The following EXOC6B variants were observed in gnomAD, a reference collection of about 807,000 sequenced individuals.
The protein encoded by EXOC6B is SEC15 homolog B.
Under a neutral mutation model 113.5 loss-of-function variants are expected in EXOC6B, and 54 were observed. That is an observed-to-expected ratio of 0.48 (90% CI 0.38 to 0.60). The LOEUF (loss-of-function observed/expected upper bound fraction) is 0.60, where lower values mean the gene tolerates loss of function less well. Ranked by LOEUF, EXOC6B falls within the 20% of genes least tolerant of loss-of-function variation. The pLI is 0.00. For synonymous variants in EXOC6B, 357 were observed against 339.0 expected, an observed-to-expected ratio of 1.05 and a Z score of -0.58; for missense variants, 797 against 977.5, an observed-to-expected ratio of 0.82 and a Z score of 2.46.
rs1697946829 is a variant in EXOC6B at position 72,464,963 on chromosome 2, G to GA, written c.1980+196dup. 1.5e-5 allele frequency: 9 copies of GA among 582,660 alleles called. No individual in the cohort carries two copies. In the Admixed American group the frequency reaches 1.7e-4, roughly 11 times the overall value. 36.1% of individuals were successfully genotyped at this position (582,660 alleles called of 1,614,324 possible). A position where few individuals can be genotyped will look rare whatever the true frequency, so the allele number is the denominator to read the frequency against. On this transcript the variant is annotated intron_variant, in intron 18 of 21. Coordinates refer to ENST00000272427, the MANE Select transcript of EXOC6B (RefSeq NM_015189.3). ...ATAATACCAGGAACCATTTTCAGAT[G>GA]AAAAAAATGCAAAGGTCAATGAAAA...
intron 6 of EXOC6B, among the ~76,000 whole-genome samples, chr2:72,714,593 G>A (rs1290501637): frequency 2.0e-5 from 3 of 151,936 alleles, no homozygotes; most frequent in Non-Finnish European, 2.9e-5. Context: ...AACACATACA[G>A]ATCTTAAACA....
At chr2:72,487,926 T>G (rs1193153933) in intron 16 of EXOC6B, among the ~76,000 whole-genome samples, 1 of 152,204 alleles carries the variant, frequency 6.6e-6, no homozygotes, top group African/African-American at 2.4e-5. Flanking sequence ...TTCTACCCTA[T>G]ACTTTTTGGA....
At chr2:72,798,075 G>T (rs1685070858) in intron 1 of EXOC6B, among the ~76,000 whole-genome samples, 1 of 151,946 alleles carries the variant, frequency 6.6e-6, no homozygotes, top group African/African-American at 2.4e-5. Flanking sequence ...AATAAACTCT[G>T]CTCTCTTAAT....
intron 18 of EXOC6B, among the ~76,000 whole-genome samples, chr2:72,418,627 T>C (rs1435950157): frequency 1.3e-5 from 2 of 152,204 alleles, no homozygotes; most frequent in African/African-American, 2.4e-5. Context: ...AGCATAGTTG[T>C]CTCTGTTCTC....
At chr2:72,316,293 T>C (rs745879194) in intron 20 of EXOC6B, among the ~76,000 whole-genome samples, 1 of 152,214 alleles carries the variant, frequency 6.6e-6, no homozygotes, top group Non-Finnish European at 1.5e-5. Flanking sequence ...ATTTATCAGA[T>C]GAGGAGTTAT....
At chr2:72,724,531 TA>T (rs1332535143) in intron 5 of EXOC6B, among the ~76,000 whole-genome samples, 1 of 151,836 alleles carries the variant, frequency 6.6e-6, no homozygotes, top group Non-Finnish European at 1.5e-5. Context: ...CTCATCAACA[TA>T]ATGTTCATTA....
chr2:72,577,453 C>T (rs1704946087), intron 6 of EXOC6B, among the ~76,000 whole-genome samples: 1 of 152,076 alleles, frequency 6.6e-6, no homozygotes, highest in Non-Finnish European at 1.5e-5. Flanking sequence ...TGATCATTTG[C>T]TCCCTTAACT....
At chr2:72,257,312 A>AAAC (rs548583483) in intron 20 of EXOC6B, among the ~76,000 whole-genome samples, 1 of 152,298 alleles carries the variant, frequency 6.6e-6, no homozygotes, top group East Asian at 1.9e-4. Context: ...AAATAAGTTA[A>AAAC]AACAACAACA....
chr2:72,259,141 C>G (rs1683545668), intron 20 of EXOC6B, among the ~76,000 whole-genome samples: 1 of 152,104 alleles, frequency 6.6e-6, no homozygotes, highest in Non-Finnish European at 1.5e-5. Flanking sequence ...AACCCAAACT[C>G]CTATTAAGGT....
intron 6 of EXOC6B, among the ~76,000 whole-genome samples, chr2:72,617,509 TC>T (rs1671462719): frequency 7.4e-6 from 1 of 135,146 alleles, no homozygotes. Context: ...AAAGCTCAAA[TC>T]TTTTTTCTTT....
intron 20 of EXOC6B, among the ~76,000 whole-genome samples, chr2:72,253,321 T>C (rs555127199): frequency 2.6e-5 from 4 of 152,186 alleles, no homozygotes; most frequent in Non-Finnish European, 5.9e-5. Flanking sequence ...GAATTACCAT[T>C]AGACCCAGCA....
chr2:72,379,903 T>A, intron 18 of EXOC6B, 33 bp from the exon 19 acceptor site: 1 of 1,551,330 alleles, frequency 6.4e-7, no homozygotes, highest in Non-Finnish European at 8.7e-7. Flanking sequence ...ATAAAGTTAA[T>A]GCATCTAACA....
At chr2:72,672,758 G>A (rs185452216) in intron 6 of EXOC6B, among the ~76,000 whole-genome samples, 1 of 152,214 alleles carries the variant, frequency 6.6e-6, no homozygotes, top group African/African-American at 2.4e-5. Context: ...TGAAAAGTGG[G>A]TCTCATGAGG....
At chr2:72,442,279 A>G (rs926991949) in intron 18 of EXOC6B, among the ~76,000 whole-genome samples, 2 of 152,152 alleles carry the variant, frequency 1.3e-5, no homozygotes, top group Admixed American at 6.5e-5. Context: ...TGTACGACAA[A>G]CTCACAGCCA....
intron 1 of EXOC6B, among the ~76,000 whole-genome samples, chr2:72,804,208 C>T (rs1685454338): frequency 6.6e-6 from 1 of 152,148 alleles, no homozygotes; most frequent in Non-Finnish European, 1.5e-5. Flanking sequence ...AAAACTAGTT[C>T]AAGCATTTTC....
chr2:72,699,150 G>A (rs997337039), intron 6 of EXOC6B, among the ~76,000 whole-genome samples: 3 of 152,128 alleles, frequency 2.0e-5, no homozygotes, highest in Non-Finnish European at 4.4e-5. Flanking sequence ...CTTCTCCAAA[G>A]TTAATAGAAG....
At chr2:72,628,672 A>G (rs1450121963) in intron 6 of EXOC6B, among the ~76,000 whole-genome samples, 1 of 152,104 alleles carries the variant, frequency 6.6e-6, no homozygotes, top group Non-Finnish European at 1.5e-5. Context: ...TTTCAGCCAC[A>G]TGAGGATATG....
At chr2:72,267,660 G>C (rs1684219470) in intron 20 of EXOC6B, among the ~76,000 whole-genome samples, 1 of 152,144 alleles carries the variant, frequency 6.6e-6, no homozygotes, top group South Asian at 2.1e-4. Context: ...CGGTCTGCCA[G>C]TATTTTATTA....
chr2:72,692,553 A>G (rs2104594653), intron 6 of EXOC6B, among the ~76,000 whole-genome samples: 1 of 152,110 alleles, frequency 6.6e-6, no homozygotes, highest in East Asian at 1.9e-4. Context: ...GGGTTTCACC[A>G]TGTTAGCCAG....
Sources: gnomAD v4.1 joint callset for allele counts (sites outside exome capture counted in the v4.1 genomes callset) on GRCh38, gnomAD v4.1.1 for gene constraint, MANE v1.5 for transcripts, NCBI Gene and HGNC (gene_info 2026-07-23, HGNC 2026-07-21) for gene names.